The following ABCB1 variants were observed in gnomAD, a reference collection of about 807,000 sequenced individuals.
ABCB1 encodes the protein ATP binding cassette subfamily B member 1.
ABCB1 carries 69 observed loss-of-function variants against 142.0 expected under a neutral mutation model. The ratio of observed to expected loss-of-function variants is 0.49; its 90% CI spans 0.40 to 0.59. The LOEUF (loss-of-function observed/expected upper bound fraction) is 0.59, where lower values mean the gene tolerates loss of function less well. Among genes scored for constraint, ABCB1 ranks in the 20% least tolerant of loss-of-function variants. ABCB1 has a pLI of 0.00. For synonymous variants in ABCB1, 532 were observed against 539.2 expected (o/e 0.99, Z 0.18); for missense variants, 1,326 against 1,554.7 (o/e 0.85, Z 2.47).
In ABCB1 at chr7:87,686,776, G is replaced by GAA. The variant is rs555870738; in HGVS notation, c.-331+26383_-331+26384dup. Among the ~76,000 whole-genome samples the GAA allele has an allele frequency of 1.9e-4, 20 of 106,976 alleles. 1 individual carries two copies. The highest frequency in any genetic ancestry group is 8.6e-4 in the South Asian group (3 of 3,470). 70.2% of individuals were successfully genotyped at this position (106,976 alleles called of 152,430 possible). ...GCAACATGGTGAAACCCCGCCTCTAGAAAAAAAAAAAAAAAAGAATTAACT... is the reference window on the plus strand; with the variant it reads ...GCAACATGGTGAAACCCCGCCTCTAGAAAAAAAAAAAAAAAAAAGAATTAACT... On this transcript the variant is annotated intron_variant, in intron 1 of 28. Transcript: ENST00000265724.
At chr7:87,688,794 A>C (rs1827731405) in intron 1 of ABCB1, among the ~76,000 whole-genome samples, 1 of 151,958 alleles carries the variant, frequency 6.6e-6, no homozygotes, top group Non-Finnish European at 1.5e-5. Context: ...TTTGAGTCAT[A>C]TTATTGTAGC....
intron 1 of ABCB1, among the ~76,000 whole-genome samples, chr7:87,695,942 A>T (rs921796784): frequency 4.6e-5 from 7 of 152,114 alleles, no homozygotes; most frequent in African/African-American, 1.7e-4. Flanking sequence ...GGTCCTAAAG[A>T]TGAGGCAATT....
At chr7:87,677,522 G>A (rs1251228032) in intron 1 of ABCB1, among the ~76,000 whole-genome samples, 2 of 152,066 alleles carry the variant, frequency 1.3e-5, no homozygotes, top group African/African-American at 4.8e-5. Flanking sequence ...GAGGCTGGGG[G>A]ATAGGAGAAA....
rs769925505 is a variant in ABCB1, at chr7:87,505,950, G to A, written c.3583C>T (p.His1195Tyr). The A allele has an allele frequency of 5.6e-6, 9 of 1,614,016 alleles. No individual in the cohort carries two copies. Among genetic ancestry groups the A allele is most frequent in the Non-Finnish European group, 6.8e-6 (8 of 1,180,026 alleles). Residue 1195 changes from histidine to tyrosine, a missense_variant, in exon 27 of 28, where the codon CAT becomes TAT. Physicochemically the swap from His to Tyr is moderately conservative, Grantham distance 83. Transcript: ENST00000622132. ...AIARALVRQP[H>Y]ILLLDEATSA... is the part of the protein sequence containing the mutation. ...GTGGCTTCATCCAAAAGCAAAATAT[G>A]AGGCTGTCTAACAAGGGCACGAGCT...
Position 87,550,976 on chromosome 7 carries a change from A to G in ABCB1, c.1000-138T>C, listed in dbSNP as rs113125275. 706 of 660,566 alleles carry G rather than the reference A, an allele frequency of 1.1e-3. 2 individuals are homozygous for G. In the African/African-American group the frequency reaches 0.011, roughly 10 times the overall value. The allele number at this position is 660,566 out of a possible 1,614,324, so 40.9% of individuals were successfully genotyped here. On this transcript the variant is annotated intron_variant, in intron 9 of 27. Transcript: ENST00000622132. Reference sequence around the variant, plus strand: ...AACATATAAATACTAGGTGTTAAAAATATTTTAAAAGTTTGTAACTAACAG... The same window carrying G: ...AACATATAAATACTAGGTGTTAAAAGTATTTTAAAAGTTTGTAACTAACAG...
chr7:87,650,973 G>C, intron 1 of ABCB1: 1 of 1,223,878 alleles, frequency 8.2e-7, no homozygotes, highest in Non-Finnish European at 1.2e-6. Context: ...TTTCCCACCA[G>C]CTGTCTTTAT....
chr7:87,589,837 G>GAGAGAGAGAGA (rs1818919970), intron 3 of ABCB1, among the ~76,000 whole-genome samples: 72 of 84,972 alleles, frequency 8.5e-4, no homozygotes, highest in African/African-American at 4.8e-3. Flanking sequence ...AGAGAGAGAG[G>GAGAGAGAGAGA]GAGAGAGGGA....
At chr7:87,638,110 T>C (rs1457670370) in intron 1 of ABCB1, among the ~76,000 whole-genome samples, 1 of 152,180 alleles carries the variant, frequency 6.6e-6, no homozygotes, top group Non-Finnish European at 1.5e-5. Flanking sequence ...TTTGTTGTTT[T>C]CATAGTGAAT....
At chr7:87,680,241 G>T (rs1826792488) in intron 1 of ABCB1, among the ~76,000 whole-genome samples, 3 of 150,528 alleles carry the variant, frequency 2.0e-5, no homozygotes. Flanking sequence ...ATTCCATGGT[G>T]TGTATGTGCC....
At chr7:87,538,562 G>C (rs1338820049) in intron 19 of ABCB1, among the ~76,000 whole-genome samples, 1 of 152,126 alleles carries the variant, frequency 6.6e-6, no homozygotes, top group Non-Finnish European at 1.5e-5. Flanking sequence ...TTACTCAATG[G>C]CAAGTGATTA....
chr7:87,567,467 C>T (rs1407955432), intron 5 of ABCB1, among the ~76,000 whole-genome samples: 2 of 152,092 alleles, frequency 1.3e-5, no homozygotes, highest in Non-Finnish European at 2.9e-5. Flanking sequence ...GGTCTCTGTA[C>T]ATTGGGGATG....
At chr7:87,516,770 T>A in intron 23 of ABCB1, 105 bp from the exon 24 acceptor site, 3 of 1,257,448 alleles carry the variant, frequency 2.4e-6, no homozygotes, top group Non-Finnish European at 3.3e-6. Context: ...GGGGTCTTCC[T>A]GTGTTGCCCA....
chr7:87,655,906 G>A (rs1194542633), intron 1 of ABCB1, among the ~76,000 whole-genome samples: 1 of 151,974 alleles, frequency 6.6e-6, no homozygotes, highest in African/African-American at 2.4e-5. Flanking sequence ...GAGGGAGTTT[G>A]TCCTTTTTTG....
At chr7:87,531,605 G>A in intron 20 of ABCB1, 108 bp from the exon 21 acceptor site, 4 of 1,023,716 alleles carry the variant, frequency 3.9e-6, no homozygotes, top group Non-Finnish European at 5.8e-6. Context: ...TATTTTATCA[G>A]TAATGAACTA....
intron 1 of ABCB1, among the ~76,000 whole-genome samples, chr7:87,626,440 A>ATG (rs1554444372): frequency 4.8e-5 from 1 of 20,632 alleles, no homozygotes; most frequent in Non-Finnish European, 6.7e-5. Context: ...TATGTGTCAT[A>ATG]TATGTGTCAT....
chr7:87,548,519 T>G (rs1269526017), intron 14 of ABCB1, among the ~76,000 whole-genome samples: 1 of 152,172 alleles, frequency 6.6e-6, no homozygotes, highest in Non-Finnish European at 1.5e-5. Flanking sequence ...TCTCAAAAAT[T>G]TATTAAGCAC....
chr7:87,548,543 T>C (rs1372940547), intron 14 of ABCB1, among the ~76,000 whole-genome samples: 1 of 152,180 alleles, frequency 6.6e-6, no homozygotes, highest in Non-Finnish European at 1.5e-5. Context: ...GACAGGATGT[T>C]AAGGAACATT....
intron 3 of ABCB1, among the ~76,000 whole-genome samples, chr7:87,587,382 A>G (rs1818802650): frequency 6.6e-6 from 1 of 152,246 alleles, no homozygotes; most frequent in Non-Finnish European, 1.5e-5. Flanking sequence ...ATGACAGATA[A>G]AATCCAGAGA....
At chr7:87,691,394 A>G (rs1019385090) in intron 1 of ABCB1, among the ~76,000 whole-genome samples, 5 of 152,154 alleles carry the variant, frequency 3.3e-5, no homozygotes, top group Non-Finnish European at 7.3e-5. Flanking sequence ...ATATGGTATA[A>G]TTATACTGTT....
Sources: allele counts gnomAD v4.1 joint callset (sites outside exome capture counted in the v4.1 genomes callset), GRCh38; gene constraint gnomAD v4.1.1; transcripts MANE v1.5; gene names NCBI Gene and HGNC (gene_info 2026-07-23, HGNC 2026-07-21).